Variants in POLE4 observed in about 807,000 individuals in gnomAD.
POLE4 encodes the protein DNA polymerase epsilon 4, accessory subunit, also known as DNA polymerase epsilon subunit 4.
POLE4 carries 15 observed loss-of-function variants against 15.6 expected under a neutral mutation model. That is an observed-to-expected ratio of 0.96 (90% CI 0.64 to 1.48). POLE4 has a LOEUF of 1.48. Ranked by LOEUF, POLE4 falls within the 40% of genes most tolerant of loss-of-function variation. POLE4 has a pLI of 0.00. For missense variants in POLE4, 205 were observed against 151.9 expected (o/e 1.35, Z -1.84); for synonymous variants, 83 against 63.2 (o/e 1.31, Z -1.49).
chr2:74,962,362 T>A (rs1257859127), intron 3 of POLE4, among the ~76,000 whole-genome samples: 3 of 152,212 alleles, frequency 2.0e-5, no homozygotes, highest in Admixed American at 1.3e-4. Flanking sequence ...TGTTATCTAG[T>A]AATTTGACAT....
At position 74,958,657 on chromosome 2, in the gene POLE4, C is replaced by T. The variant is rs1671158718; in HGVS notation, c.-23C>T. 1 of 1,401,474 alleles carries T rather than the reference C, an allele frequency of 7.1e-7. No homozygotes were observed. Among genetic ancestry groups the T allele is most frequent in the South Asian group, 1.6e-5 (1 of 61,118 alleles). The allele number at this position is 1,401,474 out of a possible 1,614,324, so 86.8% of individuals were successfully genotyped here. A position where few individuals can be genotyped will look rare whatever the true frequency, so the allele number is the denominator to read the frequency against. On this transcript the variant is annotated 5_prime_UTR_variant, in exon 1 of 4. Coordinates refer to ENST00000483063, the MANE Select transcript of POLE4 (RefSeq NM_019896.4). ...CATGCGCGCGCACAGTCGGCGGCCG[C>T]GCGCAGCACGCTCAAGGCCGGGATG...
chr2:74,966,085 A>G (rs1573429289), intron 3 of POLE4, among the ~76,000 whole-genome samples: 1 of 131,582 alleles, frequency 7.6e-6, no homozygotes, highest in Non-Finnish European at 1.7e-5. Flanking sequence ...CTTCTTTTGG[A>G]TTATTATTTG....
In POLE4 at chr2:74,964,820, A is replaced by G. The variant is rs144032302; in HGVS notation, c.341-4589A>G. On this transcript the variant is annotated intron_variant, in intron 3 of 3. Coordinates refer to ENST00000483063, the MANE Select transcript of POLE4 (RefSeq NM_019896.4). ...TAATAATTTTGTGAAGTTCTTTCCA[A>G]TCCTTATCTTTATATATTTTTTTCT... Among the ~76,000 whole-genome samples, 134 of 152,110 alleles carry G rather than the reference A, an allele frequency of 8.8e-4. 1 individual carries two copies. Among genetic ancestry groups the G allele is most frequent in the Middle Eastern group, 3.4e-3 (1 of 292 alleles).
intron 3 of POLE4, among the ~76,000 whole-genome samples, chr2:74,961,845 A>T (rs1671225205): frequency 3.9e-5 from 6 of 152,192 alleles, no homozygotes; most frequent in Admixed American, 3.9e-4. Flanking sequence ...TTCAGTCTGC[A>T]TTATATTATT....
chr2:74,959,820 C>T (rs1007816483), intron 2 of POLE4: 1 of 475,772 alleles, frequency 2.1e-6, no homozygotes, highest in Non-Finnish European at 3.7e-6. Context: ...TCTCTGACAA[C>T]TTTAAGAGCA....
chr2:74,960,907 T>G (rs1274773671), intron 3 of POLE4, among the ~76,000 whole-genome samples: 1 of 152,244 alleles, frequency 6.6e-6, no homozygotes, highest in Admixed American at 6.5e-5. Flanking sequence ...TAAATACACT[T>G]ATCCTCATGT....
At chr2:74,960,590 G>T in intron 3 of POLE4, 1 of 501,548 alleles carries the variant, frequency 2.0e-6, no homozygotes, top group Non-Finnish European at 4.0e-6. Context: ...GTATTTTTAG[G>T]AGTCATGGAT....
intron 3 of POLE4, among the ~76,000 whole-genome samples, chr2:74,968,999 TCTTGGATGGGAG>T (rs1174679427): frequency 2.6e-5 from 4 of 152,172 alleles, no homozygotes; most frequent in Admixed American, 2.6e-4. Context: ...TTGAATGGAA[TCTTGGATGGGAG>T]GGCATACGTA....
chr2:74,963,774 G>A (rs1472875303), intron 3 of POLE4, among the ~76,000 whole-genome samples: 1 of 152,142 alleles, frequency 6.6e-6, no homozygotes, highest in Non-Finnish European at 1.5e-5. Flanking sequence ...ACAGGTGTGA[G>A]CCACTGCGCC....
At chr2:74,958,972 G>T in intron 1 of POLE4, 80 bp downstream of exon 1, 1 of 1,332,854 alleles carries the variant, frequency 7.5e-7, no homozygotes, top group Non-Finnish European at 1.0e-6. Context: ...CGCGGGCGGG[G>T]CTTAGGGCGG....
intron 1 of POLE4, 24 bp downstream of exon 1, chr2:74,958,916 G>C: frequency 6.5e-7 from 1 of 1,547,074 alleles, no homozygotes. Context: ...GCGAGGGCAT[G>C]CGGGAGTGGG....
chr2:74,962,050 T>C (rs982920461), intron 3 of POLE4, among the ~76,000 whole-genome samples: 2 of 152,236 alleles, frequency 1.3e-5, no homozygotes, highest in African/African-American at 4.8e-5. Context: ...CGTTTATTTC[T>C]AACTAATATG....
At chr2:74,960,512 C>T (rs1671201409) in intron 3 of POLE4, 1 of 478,318 alleles carries the variant, frequency 2.1e-6, no homozygotes, top group Non-Finnish European at 4.1e-6. Flanking sequence ...AGGGTCACCG[C>T]TTGTTCTTTT....
chr2:74,959,349 T>G lies in POLE4; in HGVS notation c.222T>G (p.Phe74Leu), dbSNP rs1671180630. The G allele has an allele frequency of 5.0e-6, 8 of 1,612,954 alleles. No homozygotes were observed. Among genetic ancestry groups the G allele is most frequent in the Non-Finnish European group, 6.8e-6 (8 of 1,178,952 alleles). The change falls in exon 2 of 4, where the codon TTT becomes TTG. Residue 74 changes from phenylalanine to leucine, a missense_variant. Transcript: ENST00000483063. ...GCTTTTTTACTTCACAGGAACTGTT[T>G]GTGGAGACCATTGCAAAAGATGCCT... ...IFILARAAEL[F>L]VETIAKDAYC...
chr2:74,967,411 C>G (rs1307139912), intron 3 of POLE4, among the ~76,000 whole-genome samples: 17 of 147,038 alleles, frequency 1.2e-4, no homozygotes. Flanking sequence ...TTTTTTTTAG[C>G]TTAATAAAGT....
chr2:74,960,017 T>G, intron 2 of POLE4, 88 bp from the exon 3 acceptor site: 1 of 1,102,660 alleles, frequency 9.1e-7, no homozygotes, highest in East Asian at 2.4e-5. Context: ...GCCCAAAGCC[T>G]CATGCCCTTC....
intron 3 of POLE4, 30 bp from the exon 4 acceptor site, chr2:74,969,378 CT>C: frequency 6.2e-7 from 1 of 1,611,620 alleles, no homozygotes; most frequent in South Asian, 1.1e-5. Flanking sequence ...CTGAGGTCCC[CT>C]GATATACTCA....
At chr2:74,964,587 C>G (rs1671270623) in intron 3 of POLE4, among the ~76,000 whole-genome samples, 1 of 151,526 alleles carries the variant, frequency 6.6e-6, no homozygotes, top group Admixed American at 6.6e-5. Flanking sequence ...TGGTATCTTT[C>G]TAAAGAAAAT....
chr2:74,966,843 A>G (rs1671302988), intron 3 of POLE4, among the ~76,000 whole-genome samples: 1 of 151,940 alleles, frequency 6.6e-6, no homozygotes, highest in South Asian at 2.1e-4. Flanking sequence ...TCATTGTTGG[A>G]GGATAATTTG....
Sources: gnomAD v4.1 joint callset for allele counts (sites outside exome capture counted in the v4.1 genomes callset) on GRCh38, gnomAD v4.1.1 for gene constraint, MANE v1.5 for transcripts, NCBI Gene and HGNC (gene_info 2026-07-23, HGNC 2026-07-21) for gene names.